NYAP2: variants seen among roughly 807,000 people sequenced by gnomAD.
The protein encoded by NYAP2 is neuronal tyrosine-phosphorylated phosphoinositide-3-kinase adapter 2.
A neutral mutation model predicts 50.4 loss-of-function variants in NYAP2; 23 were observed. The ratio of observed to expected loss-of-function variants is 0.46; its 90% CI spans 0.33 to 0.65. The LOEUF (loss-of-function observed/expected upper bound fraction) is 0.65. Among genes scored for constraint, NYAP2 ranks in the 30% least tolerant of loss-of-function variants. The probability of loss-of-function intolerance (pLI) is 0.02; values close to 1 mark genes in which losing one functional copy is unlikely to be tolerated. For missense variants in NYAP2, 885 were observed against 861.0 expected, an observed-to-expected ratio of 1.03 and a Z score of -0.35; for synonymous variants, 394 against 365.2, an observed-to-expected ratio of 1.08 and a Z score of -0.90.
At chr2:225,637,602 A>G (rs1471194641) in intron 6 of NYAP2, among the ~76,000 whole-genome samples, 1 of 151,984 alleles carries the variant, frequency 6.6e-6, no homozygotes, top group Admixed American at 6.6e-5. Flanking sequence ...CCCTTTCTAA[A>G]TTTGAGGAGC....
At chr2:225,458,916 C>T (rs972962703) in intron 3 of NYAP2, among the ~76,000 whole-genome samples, 4 of 152,196 alleles carry the variant, frequency 2.6e-5, no homozygotes, top group African/African-American at 9.7e-5. Flanking sequence ...TGGTCTCGTT[C>T]TTAAACATGA....
exon 2 of NYAP2, chr2:225,400,635 G>A (rs1301677971): frequency 6.6e-6 from 1 of 152,058 alleles, no homozygotes; most frequent in African/African-American, 2.4e-5. Context: ...TAGCAAAGTG[G>A]GTAAAATCAT....
At chr2:225,674,806 T>C in the NYAP2 span, among the ~76,000 whole-genome samples, 1 of 152,084 alleles carries the variant, frequency 6.6e-6, no homozygotes, top group Non-Finnish European at 1.5e-5. Flanking sequence ...AATAGGAGTG[T>C]TGGGAGATCT....
intron 3 of NYAP2, among the ~76,000 whole-genome samples, chr2:225,471,346 G>A (rs1690010076): frequency 6.6e-6 from 1 of 152,202 alleles, no homozygotes; most frequent in Non-Finnish European, 1.5e-5. Context: ...TAGAAAACCA[G>A]CTTCTTTTGT....
intron 4 of NYAP2, among the ~76,000 whole-genome samples, chr2:225,556,170 C>T (rs1157714849): frequency 6.6e-6 from 1 of 152,124 alleles, no homozygotes; most frequent in Non-Finnish European, 1.5e-5. Context: ...TATTGGAAAG[C>T]TTGCTTTTTT....
chr2:225,536,847 C>T (rs1189637821), intron 4 of NYAP2, among the ~76,000 whole-genome samples: 2 of 150,972 alleles, frequency 1.3e-5, no homozygotes, highest in East Asian at 2.0e-4. Context: ...GGTGTGATCT[C>T]GTCTCACTGC....
chr2:225,587,176 T>C (rs1451329262), intron 5 of NYAP2, among the ~76,000 whole-genome samples: 1 of 152,116 alleles, frequency 6.6e-6, no homozygotes, highest in Non-Finnish European at 1.5e-5. Flanking sequence ...GGATAACAAT[T>C]TGAGATGAGA....
Position 225,593,955 on chromosome 2 carries a change from G to A in NYAP2, c.1618+10920G>A, listed in dbSNP as rs78621528. ...TGAATCATTGCTTCTACTCTTAAGT[G>A]GCATGTTTGAAAGAATGGCCATTCC... On this transcript the variant is annotated intron_variant, in intron 5 of 6. Transcript: ENST00000636099. 4.7e-3 allele frequency among the ~76,000 whole-genome samples: 719 copies of A among 152,258 alleles called. 11 individuals are homozygous for A. The highest frequency in any genetic ancestry group is 0.017 in the African/African-American group (699 of 41,550).
chr2:225,694,714 TAAG>T, the NYAP2 span, among the ~76,000 whole-genome samples: 7 of 151,990 alleles, frequency 4.6e-5, no homozygotes, highest in South Asian at 6.2e-4. Flanking sequence ...AGATATAAAA[TAAG>T]AAGATTATAT....
the NYAP2 span, among the ~76,000 whole-genome samples, chr2:225,665,259 C>T: frequency 6.6e-6 from 1 of 151,970 alleles, no homozygotes; most frequent in Admixed American, 6.5e-5. Flanking sequence ...CACATGGAGA[C>T]CTCCTCCTTG....
At chr2:225,535,723 G>A (rs891584) in intron 4 of NYAP2, among the ~76,000 whole-genome samples, 91,920 of 152,012 alleles carry the variant, frequency 0.6, 29,023 homozygotes, top group African/African-American at 0.79. Context: ...GGCCAGTCAG[G>A]TGGCTACTGC....
intron 5 of NYAP2, among the ~76,000 whole-genome samples, chr2:225,600,047 C>A (rs554304289): frequency 5.3e-5 from 8 of 152,074 alleles, no homozygotes; most frequent in Non-Finnish European, 2.9e-5. Context: ...TAATGCAGAG[C>A]CAGCTGTGTA....
intron 4 of NYAP2, among the ~76,000 whole-genome samples, chr2:225,573,633 CCT>C (rs1559218360): frequency 6.6e-6 from 1 of 152,048 alleles, no homozygotes; most frequent in Non-Finnish European, 1.5e-5. Context: ...ATGGCTGGGG[CCT>C]CTTATTTTTC....
At chr2:225,681,388 A>G in the NYAP2 span, among the ~76,000 whole-genome samples, 1 of 152,230 alleles carries the variant, frequency 6.6e-6, no homozygotes, top group African/African-American at 2.4e-5. Flanking sequence ...GCAGACATAA[A>G]TGCATAAATC....
chr2:225,465,005 T>C (rs1396585913), intron 3 of NYAP2, among the ~76,000 whole-genome samples: 2 of 152,236 alleles, frequency 1.3e-5, no homozygotes, highest in East Asian at 3.9e-4. Flanking sequence ...AAGTTATGAG[T>C]ATTTTCGTCT....
chr2:225,458,112 A>G (rs956207952), intron 3 of NYAP2, among the ~76,000 whole-genome samples: 3 of 152,128 alleles, frequency 2.0e-5, no homozygotes, highest in African/African-American at 7.2e-5. Flanking sequence ...GGAGTCATTG[A>G]AGAAAATGTA....
chr2:225,583,193 A>G (rs941696309), intron 5 of NYAP2, among the ~76,000 whole-genome samples, 158 bp downstream of exon 5: 1 of 152,216 alleles, frequency 6.6e-6, no homozygotes, highest in Admixed American at 6.5e-5. Flanking sequence ...CATTTTTGCC[A>G]TGCTAAACCA....
At chr2:225,550,776 GAAAT>G (rs1691660053) in intron 4 of NYAP2, among the ~76,000 whole-genome samples, 1 of 152,142 alleles carries the variant, frequency 6.6e-6, no homozygotes, top group Non-Finnish European at 1.5e-5. Flanking sequence ...CAAATAATAA[GAAAT>G]AAAGCCCATC....
intron 6 of NYAP2, among the ~76,000 whole-genome samples, chr2:225,648,479 T>C (rs1693674326): frequency 6.6e-6 from 1 of 152,132 alleles, no homozygotes; most frequent in Non-Finnish European, 1.5e-5. Flanking sequence ...ACAGTCTGCA[T>C]TGTGTCTAAG....
Sources: gnomAD v4.1 joint callset for allele counts (sites outside exome capture counted in the v4.1 genomes callset) on GRCh38, gnomAD v4.1.1 for gene constraint, MANE v1.5 for transcripts, NCBI Gene and HGNC (gene_info 2026-07-23, HGNC 2026-07-21) for gene names.